Variants in MTCL2 observed in about 807,000 individuals in gnomAD.
The protein encoded by MTCL2 is microtubule cross-linking factor 2.
At chr20:36,862,632 C>G in the MTCL2 span, 49 of 1,484,474 alleles carry the variant, frequency 3.3e-5, no homozygotes, top group African/African-American at 6.4e-4. Flanking sequence ...CCCCTGCGAC[C>G]TCCCTTTCTA....
chr20:36,807,820 T>A, the MTCL2 span, among the ~76,000 whole-genome samples: 14 of 147,236 alleles, frequency 9.5e-5, no homozygotes, highest in Admixed American at 8.2e-4. Context: ...TTACTTGAGG[T>A]CAGGAGTTTG....
the MTCL2 span, chr20:36,815,190 G>T: frequency 6.2e-7 from 1 of 1,613,718 alleles, no homozygotes; most frequent in African/African-American, 1.3e-5. The surrounding 1 kb of genome is among the most constrained non-coding windows in gnomAD (Gnocchi z 5.3). Context: ...GGAGCCCAAG[G>T]GGGGCAGTGA....
chr20:36,834,438 C>A, the MTCL2 span, among the ~76,000 whole-genome samples: 1 of 152,112 alleles, frequency 6.6e-6, no homozygotes, highest in African/African-American at 2.4e-5. Context: ...TCACTTTAGA[C>A]CAGAGTTTAG....
chr20:36,800,913 T>C, the MTCL2 span, among the ~76,000 whole-genome samples: 1 of 152,204 alleles, frequency 6.6e-6, no homozygotes, highest in Non-Finnish European at 1.5e-5. Flanking sequence ...GCCTGGCAGT[T>C]ACCATCAACT....
At chr20:36,841,874 G>GGGGTGTGTGGGGGT in the MTCL2 span, among the ~76,000 whole-genome samples, 2 of 110,768 alleles carry the variant, frequency 1.8e-5, no homozygotes, top group Non-Finnish European at 4.0e-5. Flanking sequence ...TGGGGGGTGG[G>GGGGTGTGTGGGGGT]GTGTGTGTGT....
the MTCL2 span, among the ~76,000 whole-genome samples, chr20:36,787,981 A>C: frequency 6.7e-6 from 1 of 149,052 alleles, no homozygotes; most frequent in Non-Finnish European, 1.5e-5. Context: ...CAGGTGGATC[A>C]CCTGAGGTCA....
At chr20:36,842,984 G>A in the MTCL2 span, among the ~76,000 whole-genome samples, 1 of 152,158 alleles carries the variant, frequency 6.6e-6, no homozygotes, top group Non-Finnish European at 1.5e-5. Context: ...AAAGAAAACG[G>A]AAAGGAAGGG....
the MTCL2 span, among the ~76,000 whole-genome samples, chr20:36,788,905 C>T: frequency 7.3e-5 from 11 of 150,292 alleles, 1 homozygote; most frequent in Admixed American, 6.7e-4. Context: ...CTCCCGGGTT[C>T]GAGCGATTCT....
chr20:36,832,652 G>C, the MTCL2 span, among the ~76,000 whole-genome samples: 2 of 152,128 alleles, frequency 1.3e-5, no homozygotes, highest in Non-Finnish European at 2.9e-5. Context: ...TGGCCAACAT[G>C]GTAAAACCCC....
chr20:36,789,948 G>A, the MTCL2 span, among the ~76,000 whole-genome samples: 1 of 151,344 alleles, frequency 6.6e-6, no homozygotes, highest in South Asian at 2.1e-4. Flanking sequence ...CAAGTGGCTG[G>A]AACTGTAAGC....
the MTCL2 span, among the ~76,000 whole-genome samples, chr20:36,851,578 C>A: frequency 1.3e-5 from 2 of 152,242 alleles, no homozygotes; most frequent in Admixed American, 6.5e-5. Flanking sequence ...CTCTGCCCTG[C>A]TGGCTTGCCT....
At chr20:36,847,390 G>A in the MTCL2 span, among the ~76,000 whole-genome samples, 3 of 152,128 alleles carry the variant, frequency 2.0e-5, no homozygotes, top group East Asian at 1.9e-4. Context: ...TCTATGGTCC[G>A]TTGTGCTGGT....
At chr20:36,828,960 C>T in the MTCL2 span, 27 of 1,372,464 alleles carry the variant, frequency 2.0e-5, no homozygotes, top group African/African-American at 5.9e-5. Context: ...TGCCCATTTC[C>T]CACAAGCGGG....
At chr20:36,845,306 G>A in the MTCL2 span, among the ~76,000 whole-genome samples, 3 of 152,268 alleles carry the variant, frequency 2.0e-5, no homozygotes, top group Non-Finnish European at 4.4e-5. Context: ...GCCAGGGCCT[G>A]ACACAGAGCA....
chr20:36,858,313 C>CACAA, the MTCL2 span, among the ~76,000 whole-genome samples: 10 of 96,308 alleles, frequency 1.0e-4, no homozygotes, highest in Non-Finnish European at 1.9e-4. Flanking sequence ...GGAGGGAAAA[C>CACAA]ACACACACAC....
chr20:36,811,162 G>A, the MTCL2 span, among the ~76,000 whole-genome samples: 1 of 152,136 alleles, frequency 6.6e-6, no homozygotes, highest in African/African-American at 2.4e-5. Flanking sequence ...TATCTGTTTT[G>A]CATTAAAAAT....
the MTCL2 span, among the ~76,000 whole-genome samples, chr20:36,841,876 T>TGGGTGG: frequency 1.6e-5 from 1 of 63,388 alleles, no homozygotes; most frequent in Non-Finnish European, 2.9e-5. Flanking sequence ...GGGGGTGGGG[T>TGGGTGG]GTGTGTGTGT....
chr20:36,804,170 T>C, the MTCL2 span, among the ~76,000 whole-genome samples: 1 of 152,156 alleles, frequency 6.6e-6, no homozygotes, highest in African/African-American at 2.4e-5. Context: ...GAAGGCAGCT[T>C]GCAGCAGGGG....
chr20:36,829,286 C>G, the MTCL2 span: 1 of 1,448,546 alleles, frequency 6.9e-7, no homozygotes, highest in Non-Finnish European at 9.2e-7. Flanking sequence ...ACTGACCACC[C>G]GACTTTCACA....
Sources: gnomAD v4.1 joint callset for allele counts (sites outside exome capture counted in the v4.1 genomes callset) on GRCh38, gnomAD v4.1.1 for gene constraint, Gnocchi (gnomAD v3.1) non-coding constraint, MANE v1.5 for transcripts, NCBI Gene and HGNC (gene_info 2026-07-23, HGNC 2026-07-21) for gene names.